Variants in ARHGEF10 observed in about 807,000 individuals in gnomAD.
ARHGEF10 encodes the protein Rho guanine nucleotide exchange factor 10, also known as Rho guanine nucleotide exchange factor (GEF) 10.
A neutral mutation model predicts 147.4 loss-of-function variants in ARHGEF10; 140 were observed. That is an observed-to-expected ratio of 0.95 (90% CI 0.83 to 1.09). The LOEUF (loss-of-function observed/expected upper bound fraction) is 1.09. Ranked by LOEUF, ARHGEF10 falls within the 50% of genes least tolerant of loss-of-function variation. ARHGEF10 has a pLI of 0.00. For missense variants in ARHGEF10, 2,222 were observed against 1,752.7 expected (o/e 1.27, Z -4.78); for synonymous variants, 902 against 695.8 (o/e 1.30, Z -4.67).
chr8:1,922,201 A>G (rs1185132854), intron 18 of ARHGEF10, among the ~76,000 whole-genome samples: 1 of 151,928 alleles, frequency 6.6e-6, no homozygotes, highest in Non-Finnish European at 1.5e-5. Flanking sequence ...CACTTGGGCA[A>G]ATAGACCCCG....
intron 4 of ARHGEF10, among the ~76,000 whole-genome samples, chr8:1,863,541 A>C (rs920818260): frequency 6.6e-6 from 1 of 152,090 alleles, no homozygotes; most frequent in Non-Finnish European, 1.5e-5. Flanking sequence ...CTCCTTCCCC[A>C]CATCATTCTT....
chr8:1,830,600 T>A (rs1204881863), intron 1 of ARHGEF10, among the ~76,000 whole-genome samples: 1 of 152,250 alleles, frequency 6.6e-6, no homozygotes, highest in Admixed American at 6.5e-5. Flanking sequence ...TGAATACCGC[T>A]GCGTGCTAAG....
At chr8:1,938,813 GC>G (rs1168470536) in intron 26 of ARHGEF10, among the ~76,000 whole-genome samples, 1 of 152,054 alleles carries the variant, frequency 6.6e-6, no homozygotes, top group Non-Finnish European at 1.5e-5. Flanking sequence ...AGCAGAAGAG[GC>G]CAGAGATCCC....
At chr8:1,866,058 C>A (rs754383850) in intron 5 of ARHGEF10, among the ~76,000 whole-genome samples, 11 of 152,112 alleles carry the variant, frequency 7.2e-5, no homozygotes, top group Non-Finnish European at 1.6e-4. Context: ...CATGTGACCA[C>A]CCGCTGGGGG....
intron 4 of ARHGEF10, among the ~76,000 whole-genome samples, chr8:1,861,680 C>T (rs1433652198): frequency 6.6e-6 from 1 of 152,060 alleles, no homozygotes; most frequent in Non-Finnish European, 1.5e-5. Flanking sequence ...TTTTGGGAAA[C>T]ACAGAGGTTT....
chr8:1,954,042 A>G (rs1219224252), intron 28 of ARHGEF10, among the ~76,000 whole-genome samples: 1 of 152,078 alleles, frequency 6.6e-6, no homozygotes, highest in African/African-American at 2.4e-5. Context: ...GATATATGGG[A>G]TTGTACATGT....
chr8:1,857,875 G>GATCTATCT (rs35711467), intron 2 of ARHGEF10, 85 bp from the exon 3 acceptor site: 16,579 of 917,620 alleles, frequency 0.018, 170 homozygotes, highest in East Asian at 0.035. Flanking sequence ...AACATAGATC[G>GATCTATCT]ATCGATCTAT....
At chr8:1,934,874 C>G (rs987585377) in intron 26 of ARHGEF10, among the ~76,000 whole-genome samples, 1 of 151,992 alleles carries the variant, frequency 6.6e-6, no homozygotes, top group Non-Finnish European at 1.5e-5. Context: ...ATATGTGTAT[C>G]AAATATTTAT....
intron 7 of ARHGEF10, chr8:1,871,156 G>A (rs1247668718): frequency 1.1e-4 from 15 of 131,396 alleles, no homozygotes; most frequent in Admixed American, 1.5e-4. Flanking sequence ...TAAAAGATTA[G>A]AACAGCAATG....
intron 9 of ARHGEF10, among the ~76,000 whole-genome samples, chr8:1,881,232 G>C (rs970048288): frequency 6.6e-6 from 1 of 152,160 alleles, no homozygotes. Context: ...CCTGAGATCC[G>C]GGAGTCCTGG....
At chr8:1,895,900 G>T (rs1237562984) in intron 13 of ARHGEF10, among the ~76,000 whole-genome samples, 1 of 151,856 alleles carries the variant, frequency 6.6e-6, no homozygotes, top group African/African-American at 2.4e-5. Flanking sequence ...ATCAGCCCCC[G>T]CCCCCAGCCC....
Position 1,860,192 on chromosome 8 carries a change from T to C in ARHGEF10, c.481+8T>C, listed in dbSNP as rs761513006. On this transcript the variant is annotated splice_region_variant and intron_variant, in intron 4 of 28. Transcript: ENST00000349830. ...CGTCCCTGGACGAAGAAGGTACTGC[T>C]ACCCTCCTCTCCACGCCCCCGAAGT... 14 of 1,611,250 alleles carry C rather than the reference T, an allele frequency of 8.7e-6. No homozygotes were observed. The Admixed American group carries it at 1.2e-4, about 13-fold the overall frequency.
chr8:1,942,688 C>T lies in ARHGEF10; in HGVS notation c.3223-2793C>T, dbSNP rs567924005. Among the ~76,000 whole-genome samples the T allele has an allele frequency of 5.3e-5, 8 of 152,262 alleles. No individual in the cohort carries two copies. In the East Asian group the frequency reaches 5.8e-4, roughly 11 times the overall value. ...AGTCAAAAAGCGGATGCAGTCCAGA[C>T]GCCCAGGAACTGGTGAATGGACAAA... On this transcript the variant is annotated intron_variant, in intron 26 of 28. Coordinates refer to ENST00000349830, the MANE Select transcript of ARHGEF10 (RefSeq NM_014629.4).
chr8:1,837,644 C>A (rs1000713311), intron 1 of ARHGEF10, among the ~76,000 whole-genome samples: 6 of 152,144 alleles, frequency 3.9e-5, no homozygotes, highest in Non-Finnish European at 7.4e-5. Flanking sequence ...ACGCGGCAGG[C>A]GTACAGCTGG....
intron 8 of ARHGEF10, among the ~76,000 whole-genome samples, chr8:1,879,012 A>G (rs1238344485): frequency 1.3e-5 from 2 of 152,206 alleles, no homozygotes; most frequent in African/African-American, 4.8e-5. Context: ...CCTGTCCAGG[A>G]TGGAAGTGCT....
rs142159265 is a variant in ARHGEF10 at position 1,858,549 on chromosome 8, T to C, written c.193+434T>C. 4.8e-4 allele frequency among the ~76,000 whole-genome samples: 73 copies of C among 152,354 alleles called. 1 individual carries two copies. The East Asian group carries it at 0.012, about 25-fold the overall frequency. On this transcript the variant is annotated intron_variant, in intron 3 of 28. Transcript: ENST00000349830. ...TTGCTATTTCCCAATAAGAATGACC[T>C]CATCATTGTATCACTAGATTAAAAG...
At chr8:1,943,115 GAA>G (rs1196241735) in intron 26 of ARHGEF10, among the ~76,000 whole-genome samples, 2 of 152,256 alleles carry the variant, frequency 1.3e-5, no homozygotes, top group Non-Finnish European at 1.5e-5. Context: ...GAAGTTAGCA[GAA>G]GTTAGCCTGA....
intron 28 of ARHGEF10, among the ~76,000 whole-genome samples, chr8:1,954,836 T>A (rs1815350041): frequency 6.6e-6 from 1 of 152,282 alleles, no homozygotes; most frequent in Non-Finnish European, 1.5e-5. Flanking sequence ...CTGTTGCTTT[T>A]TCTCTCAGCC....
intron 7 of ARHGEF10, chr8:1,876,188 CTCTG>C (rs1427577820): frequency 5.1e-5 from 15 of 294,156 alleles, no homozygotes; most frequent in South Asian, 1.9e-4. Context: ...CACCATTTCT[CTCTG>C]TCTAATTTTC....
Sources: allele counts gnomAD v4.1 joint callset (sites outside exome capture counted in the v4.1 genomes callset), GRCh38; gene constraint gnomAD v4.1.1; transcripts MANE v1.5; gene names NCBI Gene and HGNC (gene_info 2026-07-23, HGNC 2026-07-21).